BANP: variants seen among roughly 807,000 people sequenced by gnomAD.
BANP encodes protein BANP.
BANP carries 11 observed loss-of-function variants against 68.1 expected under a neutral mutation model. The observed-to-expected ratio is 0.16, with a 90% CI of 0.10 to 0.27. BANP has a LOEUF of 0.27. Ranked by LOEUF, BANP falls within the 10% of genes least tolerant of loss-of-function variation. BANP has a pLI of 1.00. For synonymous variants in BANP, 329 were observed against 303.2 expected (o/e 1.09, Z -0.88); for missense variants, 504 against 722.7 (o/e 0.70, Z 3.47).
chr16:88,027,380 C>G (rs1181097442), intron 7 of BANP, 103 bp from the exon 8 acceptor site: 3 of 1,316,796 alleles, frequency 2.3e-6, no homozygotes, highest in Non-Finnish European at 3.2e-6. Context: ...GGCTGGGGTG[C>G]CTGGGTGAGG....
Position 88,064,402 on chromosome 16 carries a change from G to C in BANP, c.1312-865G>C, listed in dbSNP as rs1419577190. ...CAGTGGTGGCATCATGGAGCTGGGAGAGTGGCTTTTATTTGGAGGACAGAT... is the reference window on the plus strand; with the variant it reads ...CAGTGGTGGCATCATGGAGCTGGGACAGTGGCTTTTATTTGGAGGACAGAT... On this transcript the variant is annotated intron_variant, in intron 11 of 13. Coordinates refer to ENST00000682872, the MANE Select transcript of BANP (RefSeq NM_001386991.1). The surrounding 1 kb of genome is among the most constrained non-coding windows in gnomAD (Gnocchi z 4.5). 6.6e-6 allele frequency among the ~76,000 whole-genome samples: 1 copy of C among 152,236 alleles called. No individual in the cohort carries two copies. The highest frequency in any genetic ancestry group is 1.9e-4 in the East Asian group (1 of 5,198).
At chr16:87,981,210 G>T (rs117564717) in intron 3 of BANP, 83 bp downstream of exon 3, 2 of 1,019,212 alleles carry the variant, frequency 2.0e-6, no homozygotes, top group African/African-American at 1.6e-5. Flanking sequence ...CAATGGGATG[G>T]CTTCAAAATG....
intron 11 of BANP, among the ~76,000 whole-genome samples, chr16:88,043,842 A>G: frequency 6.6e-6 from 1 of 152,332 alleles, no homozygotes; most frequent in South Asian, 2.1e-4. Flanking sequence ...GGATAATAGA[A>G]TCTTTAATTT....
At chr16:87,952,376 G>T (rs183642209) in intron 1 of BANP, 1 of 152,366 alleles carries the variant, frequency 6.6e-6, no homozygotes, top group African/African-American at 2.4e-5. Flanking sequence ...CACCCTGACC[G>T]GGGAGGGCCC....
intron 1 of BANP, among the ~76,000 whole-genome samples, chr16:87,959,443 C>G (rs2058699501): frequency 1.3e-5 from 2 of 152,302 alleles, no homozygotes; most frequent in South Asian, 4.1e-4. Context: ...TGTAGAGAGG[C>G]AGTGGCTGGA....
chr16:87,985,403 C>A (rs2064165845), intron 4 of BANP, among the ~76,000 whole-genome samples: 1 of 152,114 alleles, frequency 6.6e-6, no homozygotes, highest in African/African-American at 2.4e-5. Context: ...TCACGTGTCT[C>A]CCCCCAGCAG....
intron 8 of BANP, among the ~76,000 whole-genome samples, chr16:88,031,299 A>G (rs1187448368): frequency 1.3e-5 from 2 of 152,190 alleles, no homozygotes; most frequent in Non-Finnish European, 2.9e-5. Flanking sequence ...TGAATTTCAG[A>G]TTCTGATTTA....
chr16:87,989,905 C>T (rs1216132714), intron 4 of BANP, among the ~76,000 whole-genome samples: 1 of 128,560 alleles, frequency 7.8e-6, no homozygotes, highest in East Asian at 2.9e-4. Context: ...GATGCAGGCC[C>T]GCGTGGCTGC....
chr16:88,052,154 AAAG>A (rs2083405338), intron 11 of BANP, among the ~76,000 whole-genome samples: 1 of 152,326 alleles, frequency 6.6e-6, no homozygotes, highest in East Asian at 1.9e-4. Flanking sequence ...AATTGTTACT[AAAG>A]AAAATCAAAA....
rs1237096805 is a variant in BANP, at chr16:88,004,787, G to A, written c.479+376G>A. Reference sequence around the variant, plus strand: ...AGGCAAACAGACGCCCTCTCCCACGGTTGCTAAGTGGTGCAGGCATGTTGA... The same window carrying A: ...AGGCAAACAGACGCCCTCTCCCACGATTGCTAAGTGGTGCAGGCATGTTGA... On this transcript the variant is annotated intron_variant, in intron 5 of 13. Transcript: ENST00000682872. This position sits in a 1 kb window ranked among gnomAD's most constrained non-coding sequence, Gnocchi z 7.0. Among the ~76,000 whole-genome samples, 2 of 152,208 alleles carry A rather than the reference G, an allele frequency of 1.3e-5. No homozygotes were observed. The highest frequency in any genetic ancestry group is 4.8e-5 in the African/African-American group (2 of 41,440).
chr16:87,980,528 G>A (rs537194373), intron 2 of BANP: 1 of 159,502 alleles, frequency 6.3e-6, no homozygotes, highest in South Asian at 1.7e-4. Flanking sequence ...GGGAGGGTCG[G>A]GGTTCTGTCA....
rs781142694 is a variant in BANP, at chr16:88,076,672, T to A, written c.*11T>A. 2.5e-6 allele frequency: 4 copies of A among 1,603,796 alleles called. No homozygotes were observed. In the African/African-American group the frequency reaches 5.3e-5, roughly 21 times the overall value. On this transcript the variant is annotated 3_prime_UTR_variant, in exon 14 of 14. Coordinates refer to ENST00000682872, the MANE Select transcript of BANP (RefSeq NM_001386991.1). Reference sequence around the variant, plus strand: ...ATCCAGATTCAGTGAGCGGTGCCCATGGCACCAGGAGCCCCTCGCCGGCTC... The same window carrying A: ...ATCCAGATTCAGTGAGCGGTGCCCAAGGCACCAGGAGCCCCTCGCCGGCTC...
chr16:88,038,388 G>T (rs2079930547), intron 11 of BANP, among the ~76,000 whole-genome samples: 1 of 152,214 alleles, frequency 6.6e-6, no homozygotes, highest in Admixed American at 6.5e-5. Context: ...TGGAAGGGGG[G>T]AGGGCAGGGC....
At chr16:87,981,262 G>A (rs2063206724) in intron 3 of BANP, 135 bp downstream of exon 3, 2 of 694,974 alleles carry the variant, frequency 2.9e-6, no homozygotes, top group African/African-American at 1.8e-5. Flanking sequence ...AAATCAAGAT[G>A]CAGGCAGGGT....
chr16:88,044,123 G>C (rs2081413843), intron 11 of BANP, among the ~76,000 whole-genome samples: 1 of 152,246 alleles, frequency 6.6e-6, no homozygotes, highest in Non-Finnish European at 1.5e-5. Context: ...AGCCAGTGCT[G>C]TGTGACCTGG....
intron 7 of BANP, among the ~76,000 whole-genome samples, chr16:88,019,083 G>C (rs1418593300): frequency 6.6e-6 from 1 of 152,152 alleles, no homozygotes; most frequent in Non-Finnish European, 1.5e-5. Context: ...TTCCTTCTGA[G>C]AGGGCTGGGC....
rs1022210270 is a variant in BANP at position 88,071,181 on chromosome 16, G to C, written c.1378-888G>C. ...ACCGGTGAGACTCTCAGTGCACAGAGTGCGGTTCTGTGTGGAGGTGTGGGA... is the reference window on the plus strand; with the variant it reads ...ACCGGTGAGACTCTCAGTGCACAGACTGCGGTTCTGTGTGGAGGTGTGGGA... On this transcript the variant is annotated intron_variant, in intron 12 of 13. Coordinates refer to ENST00000682872, the MANE Select transcript of BANP (RefSeq NM_001386991.1). The surrounding 1 kb of genome is among the most constrained non-coding windows in gnomAD (Gnocchi z 6.5). 3.0e-6 allele frequency: 1 copy of C among 335,620 alleles called. No homozygotes were observed. Among genetic ancestry groups the C allele is most frequent in the Admixed American group, 4.4e-5 (1 of 22,740 alleles). 20.8% of individuals were successfully genotyped at this position (335,620 alleles called of 1,614,324 possible).
At position 87,983,233 on chromosome 16, in the gene BANP, C is replaced by T. The variant is rs188976365; in HGVS notation, c.163-827C>T. ...CTGAGTACTAAGCAGGGCTGGTGGGCGCTCCCCCAACCTGTCCCTCCCTAG... is the reference window on the plus strand; with the variant it reads ...CTGAGTACTAAGCAGGGCTGGTGGGTGCTCCCCCAACCTGTCCCTCCCTAG... On this transcript the variant is annotated intron_variant, in intron 3 of 13. Transcript: ENST00000682872. Among the ~76,000 whole-genome samples, 730 of 152,290 alleles carry T rather than the reference C, an allele frequency of 4.8e-3. 4 individuals are homozygous for T. Among genetic ancestry groups the T allele is most frequent in the Middle Eastern group, 0.014 (4 of 294 alleles).
chr16:87,998,041 G>A (rs866723451), intron 4 of BANP, among the ~76,000 whole-genome samples: 1 of 152,212 alleles, frequency 6.6e-6, no homozygotes, highest in Non-Finnish European at 1.5e-5. Flanking sequence ...CTCAGTCTTT[G>A]CTTTCGGCAC....
Sources: gnomAD v4.1 joint callset for allele counts (sites outside exome capture counted in the v4.1 genomes callset) on GRCh38, gnomAD v4.1.1 for gene constraint, Gnocchi (gnomAD v3.1) non-coding constraint, MANE v1.5 for transcripts, NCBI Gene and HGNC (gene_info 2026-07-23, HGNC 2026-07-21) for gene names.